Variants in TCF25 observed in about 807,000 individuals in gnomAD.
The protein encoded by TCF25 is ribosome quality control complex subunit TCF25.
TCF25 carries 41 observed loss-of-function variants against 83.1 expected under a neutral mutation model. The observed-to-expected ratio is 0.49, with a 90% CI of 0.38 to 0.64. The LOEUF (loss-of-function observed/expected upper bound fraction) is 0.64. Ranked by LOEUF, TCF25 falls within the 30% of genes least tolerant of loss-of-function variation. The pLI is 0.00. For synonymous variants in TCF25, 458 were observed against 365.0 expected (o/e 1.25, Z -2.90); for missense variants, 979 against 914.5 (o/e 1.07, Z -0.91).
At chr16:89,876,751 C>A (rs1315919709) in intron 1 of TCF25, among the ~76,000 whole-genome samples, 1 of 151,974 alleles carries the variant, frequency 6.6e-6, no homozygotes, top group Non-Finnish European at 1.5e-5. Flanking sequence ...ACGGTGAAAC[C>A]CCGCCTCTAC....
intron 1 of TCF25, among the ~76,000 whole-genome samples, chr16:89,883,127 G>A (rs1009411588): frequency 1.3e-4 from 19 of 151,706 alleles, no homozygotes; most frequent in Admixed American, 4.6e-4. Context: ...CCATAGCCTC[G>A]GGGCCCCGGC....
rs768917906 is a variant in TCF25 at position 89,887,735 on chromosome 16, CT to C, written c.614+19del. 5.2e-5 allele frequency: 80 copies of C among 1,548,594 alleles called. No homozygotes were observed. The highest frequency in any genetic ancestry group is 6.6e-5 in the Non-Finnish European group (76 of 1,154,590). ...GAGCAAAGGTAAGGTCCACAGTGAG[CT>C]GCATTCTCACAGCTGCTTCATTCCT... On this transcript the variant is annotated intron_variant, in intron 5 of 17. Transcript: ENST00000263346.
chr16:89,878,159 G>A (rs1388780173), intron 1 of TCF25, among the ~76,000 whole-genome samples: 1 of 151,944 alleles, frequency 6.6e-6, no homozygotes, highest in Non-Finnish European at 1.5e-5. Flanking sequence ...ACTCACCTGT[G>A]GTCACAGCTA....
intron 8 of TCF25, among the ~76,000 whole-genome samples, chr16:89,895,600 CTG>C (rs2043790319): frequency 6.6e-6 from 1 of 152,270 alleles, no homozygotes; most frequent in Non-Finnish European, 1.5e-5. Flanking sequence ...TAATACTCCA[CTG>C]TGTGGACGGA....
intron 15 of TCF25, 111 bp downstream of exon 15, chr16:89,906,395 C>T (rs1159349710): frequency 3.9e-6 from 4 of 1,032,026 alleles, no homozygotes; most frequent in Non-Finnish European, 5.8e-6. Context: ...CCCTCAGCAG[C>T]CCAGCCCCGC....
At position 89,898,557 on chromosome 16, in the gene TCF25, G is replaced by A; in HGVS notation, c.1023G>A (p.Arg341=). 6.2e-7 allele frequency: 1 copy of A among 1,612,906 alleles called. No homozygotes were observed. The highest frequency in any genetic ancestry group is 1.3e-5 in the African/African-American group (1 of 75,048). Residue 341 remains arginine (R), a splice_region_variant and synonymous_variant, in exon 10 of 18, where the codon AGG becomes AGA. Coordinates refer to ENST00000263346, the MANE Select transcript of TCF25 (RefSeq NM_014972.3). ...CRLDYRRPEN[R]SFYLALYKQM... is the part of the protein sequence containing the mutation. ...TCATGTGGAACTATTTTGGATCTAG[G>A]AGCTTCTACCTGGCCCTCTACAAGC... is the stretch of plus-strand genomic sequence containing the variant.
chr16:89,894,663 G>A (rs909785026), intron 7 of TCF25, among the ~76,000 whole-genome samples: 10 of 152,068 alleles, frequency 6.6e-5, no homozygotes, highest in African/African-American at 1.2e-4. Flanking sequence ...TAATTCCCCC[G>A]TTTTTGTTTT....
intron 1 of TCF25, among the ~76,000 whole-genome samples, chr16:89,883,061 G>A (rs1039084761): frequency 6.6e-6 from 1 of 152,194 alleles, no homozygotes; most frequent in Non-Finnish European, 1.5e-5. Flanking sequence ...TGTAAATGGA[G>A]TAAATTACAA....
chr16:89,883,475 C>T lies in TCF25; in HGVS notation c.317C>T (p.Thr106Met), dbSNP rs752100596. ...RGQRGNTESKTDGDDTETVPS... is the reference protein window; with the variant it reads ...RGQRGNTESKMDGDDTETVPS... Reference sequence around the variant, plus strand: ...CAGCGTGGAAACACAGAGAGCAAGACGGATGGAGATGACACCGAGACAGTG... The same window carrying T: ...CAGCGTGGAAACACAGAGAGCAAGATGGATGGAGATGACACCGAGACAGTG... The change falls in exon 2 of 18, where the codon ACG becomes ATG. Residue 106 changes from threonine (T) to methionine (M), a missense_variant. Physicochemically the swap from Thr to Met is moderately conservative, Grantham distance 81. Coordinates refer to ENST00000263346, the MANE Select transcript of TCF25 (RefSeq NM_014972.3). The T allele has an allele frequency of 9.4e-5, 152 of 1,612,916 alleles. No homozygotes were observed. In the East Asian group the frequency reaches 2.9e-3, roughly 31 times the overall value.
chr16:89,893,952 C>T, intron 7 of TCF25, 94 bp downstream of exon 7: 1 of 1,500,070 alleles, frequency 6.7e-7, no homozygotes, highest in Non-Finnish European at 9.0e-7. Flanking sequence ...GGGAGGCATG[C>T]TGCCTCCTGC....
chr16:89,893,902 G>A (rs1457225910), intron 7 of TCF25, 44 bp downstream of exon 7: 1 of 1,564,612 alleles, frequency 6.4e-7, no homozygotes, highest in Non-Finnish European at 8.7e-7. Flanking sequence ...GGGCCATGTA[G>A]CCACCACTGC....
At chr16:89,887,625 T>C (rs949083391) in intron 4 of TCF25, 27 bp from the exon 5 acceptor site, 12 of 1,569,472 alleles carry the variant, frequency 7.6e-6, no homozygotes, top group African/African-American at 1.4e-5. Flanking sequence ...ATTTCATGTT[T>C]TTTTTCTACA....
chr16:89,896,745 G>A (rs1244678223), intron 9 of TCF25, among the ~76,000 whole-genome samples: 2 of 152,014 alleles, frequency 1.3e-5, no homozygotes, highest in African/African-American at 4.8e-5. Context: ...TAGTAGAGAC[G>A]AGGTTTCACT....
intron 9 of TCF25, among the ~76,000 whole-genome samples, chr16:89,897,321 GCTTCCGCCAGGCCTTC>G (rs1441898963): frequency 6.6e-6 from 1 of 152,248 alleles, no homozygotes; most frequent in African/African-American, 2.4e-5. Context: ...ACCTAGACTG[GCTTCCGCCAGGCCTTC>G]CCGCAGCCTG....
intron 11 of TCF25, among the ~76,000 whole-genome samples, chr16:89,899,290 A>G (rs1215549342): frequency 2.0e-5 from 3 of 152,210 alleles, no homozygotes; most frequent in South Asian, 4.1e-4. Context: ...GTCCTGTTCC[A>G]TGGGAAGAGT....
chr16:89,873,898 C>A, intron 1 of TCF25, 39 bp downstream of exon 1: 1 of 1,429,374 alleles, frequency 7.0e-7, no homozygotes, highest in Non-Finnish European at 9.2e-7. Flanking sequence ...TGGGGTGGCC[C>A]TTGACGTTGT....
intron 5 of TCF25, chr16:89,889,462 C>T: frequency 4.7e-6 from 1 of 213,540 alleles, no homozygotes; most frequent in Non-Finnish European, 9.4e-6. Context: ...CAGGCATGAG[C>T]CACCACGCCC....
At position 89,880,733 on chromosome 16, in the gene TCF25, C is replaced by G. The variant is rs545486569; in HGVS notation, c.193-2618C>G. The stretch of plus-strand genomic sequence containing the variant: ...GTGAGACCCTATCTCTAAAAACAGA[C>G]AAGTAAACCAGCACCCAGCTTCACT... On this transcript the variant is annotated intron_variant, in intron 1 of 17. Coordinates refer to ENST00000263346, the MANE Select transcript of TCF25 (RefSeq NM_014972.3). 4.6e-5 allele frequency among the ~76,000 whole-genome samples: 7 copies of G among 152,254 alleles called. No individual in the cohort carries two copies. The South Asian group carries it at 1.2e-3, about 27-fold the overall frequency.
Position 89,878,930 on chromosome 16 carries a change from C to T in TCF25, c.193-4421C>T, listed in dbSNP as rs547755655. Reference sequence around the variant, plus strand: ...TGCTGGGATTACAGGCGTGAGCCACCGCGCCCAGCCAGTAATAAGGTTTGT... The same window carrying T: ...TGCTGGGATTACAGGCGTGAGCCACTGCGCCCAGCCAGTAATAAGGTTTGT... On this transcript the variant is annotated intron_variant, in intron 1 of 17. Transcript: ENST00000263346. Among the ~76,000 whole-genome samples, 241 of 152,336 alleles carry T rather than the reference C, an allele frequency of 1.6e-3. 1 individual carries two copies. The highest frequency in any genetic ancestry group is 1.6e-3 in the Non-Finnish European group (111 of 68,018).
Sources: allele counts gnomAD v4.1 joint callset (sites outside exome capture counted in the v4.1 genomes callset), GRCh38; gene constraint gnomAD v4.1.1; transcripts MANE v1.5; gene names NCBI Gene and HGNC (gene_info 2026-07-23, HGNC 2026-07-21).